The following GRID2 variants were observed in gnomAD, a reference collection of about 807,000 sequenced individuals.
The protein encoded by GRID2 is glutamate receptor ionotropic, delta-2.
A neutral mutation model predicts 114.8 loss-of-function variants in GRID2; 33 were observed. The ratio of observed to expected loss-of-function variants is 0.29; its 90% CI spans 0.22 to 0.38. The LOEUF is 0.38. GRID2 is among the 10% of genes least tolerant of loss of function. The probability of loss-of-function intolerance (pLI) is 1.00; values close to 1 mark genes in which losing one functional copy is unlikely to be tolerated. For missense variants in GRID2, 1,184 were observed against 1,257.7 expected, an observed-to-expected ratio of 0.94 and a Z score of 0.89; for synonymous variants, 505 against 449.9, an observed-to-expected ratio of 1.12 and a Z score of -1.55.
At chr4:92,394,584 A>C (rs1365961591) in intron 1 of GRID2, among the ~76,000 whole-genome samples, 1 of 151,992 alleles carries the variant, frequency 6.6e-6, no homozygotes, top group Non-Finnish European at 1.5e-5. Flanking sequence ...AGGCTGAAAA[A>C]TGACTTAAAA....
intron 2 of GRID2, among the ~76,000 whole-genome samples, chr4:92,686,822 T>C (rs1560532478): frequency 6.6e-6 from 1 of 152,132 alleles, no homozygotes; most frequent in African/African-American, 2.4e-5. Context: ...CAAAGCATTT[T>C]GTATTCAGAA....
chr4:92,849,172 GAA>G (rs1743568836), intron 2 of GRID2, among the ~76,000 whole-genome samples: 1 of 151,882 alleles, frequency 6.6e-6, no homozygotes, highest in African/African-American at 2.4e-5. Context: ...TGATGATGAT[GAA>G]AAAGAGGTGT....
intron 14 of GRID2, among the ~76,000 whole-genome samples, chr4:93,704,147 T>C (rs1727779095): frequency 6.6e-6 from 1 of 152,164 alleles, no homozygotes; most frequent in South Asian, 2.1e-4. Context: ...CCACATCCTC[T>C]CCAGCACCTG....
chr4:92,892,836 G>A (rs543153922), intron 2 of GRID2, among the ~76,000 whole-genome samples: 2 of 152,250 alleles, frequency 1.3e-5, no homozygotes, highest in Non-Finnish European at 2.9e-5. Flanking sequence ...TTACAGATTT[G>A]TAAAGTTGTT....
chr4:92,370,341 G>A lies in GRID2; in HGVS notation c.88+65597G>A, dbSNP rs1236432634. 2.6e-5 allele frequency among the ~76,000 whole-genome samples: 4 copies of A among 152,156 alleles called. No individual in the cohort carries two copies. In the East Asian group the frequency reaches 7.7e-4, roughly 29 times the overall value. On this transcript the variant is annotated intron_variant, in intron 1 of 15. Coordinates refer to ENST00000282020, the MANE Select transcript of GRID2 (RefSeq NM_001510.4). Reference sequence around the variant, plus strand: ...CTTCTCAGTTCTCCTTAGTCCTTGAGAGAAAACAATTTTGAAATTAGACCA... The same window carrying A: ...CTTCTCAGTTCTCCTTAGTCCTTGAAAGAAAACAATTTTGAAATTAGACCA...
chr4:93,439,701 A>G (rs1721443821), intron 10 of GRID2, among the ~76,000 whole-genome samples: 2 of 152,004 alleles, frequency 1.3e-5, no homozygotes, highest in African/African-American at 2.4e-5. Context: ...GGTGTTAATT[A>G]TTTTTGCTGC....
At chr4:92,383,561 G>T (rs1309545969) in intron 1 of GRID2, among the ~76,000 whole-genome samples, 1 of 151,874 alleles carries the variant, frequency 6.6e-6, no homozygotes, top group African/African-American at 2.4e-5. Context: ...CCCCTTAAAA[G>T]ATAATGGGAC....
chr4:93,501,211 T>A (rs1728068074), intron 12 of GRID2, among the ~76,000 whole-genome samples: 1 of 152,020 alleles, frequency 6.6e-6, no homozygotes, highest in Non-Finnish European at 1.5e-5. Flanking sequence ...AAGCCATTTC[T>A]TTGTCCTATT....
intron 2 of GRID2, among the ~76,000 whole-genome samples, chr4:92,704,894 C>T (rs919138499): frequency 6.6e-6 from 1 of 151,356 alleles, no homozygotes; most frequent in African/African-American, 2.4e-5. Flanking sequence ...CTATTAGATT[C>T]ACTTGTATAT....
At chr4:93,210,609 G>C (rs961990933) in intron 5 of GRID2, among the ~76,000 whole-genome samples, 3 of 151,896 alleles carry the variant, frequency 2.0e-5, no homozygotes, top group Non-Finnish European at 4.4e-5. Context: ...TTTTGTTTTT[G>C]ACCATGAGAA....
chr4:93,350,197 C>A lies in GRID2; in HGVS notation c.1246-45410C>A, dbSNP rs185203991. 1.1e-3 allele frequency among the ~76,000 whole-genome samples: 172 copies of A among 152,170 alleles called. 1 individual carries two copies. The highest frequency in any genetic ancestry group is 1.8e-3 in the Admixed American group (28 of 15,250). The stretch of plus-strand genomic sequence containing the variant: ...ATTTATCTGTAAAACACCCATCTAC[C>A]ACTGCCTGCAGCATAAAGGACAAAC... On this transcript the variant is annotated intron_variant, in intron 8 of 15. Coordinates refer to ENST00000282020, the MANE Select transcript of GRID2 (RefSeq NM_001510.4).
At chr4:93,632,429 C>A (rs1721005145) in intron 14 of GRID2, among the ~76,000 whole-genome samples, 2 of 152,024 alleles carry the variant, frequency 1.3e-5, no homozygotes, top group Non-Finnish European at 2.9e-5. Flanking sequence ...TCAGCTTTTT[C>A]CATATGGCTA....
At chr4:93,132,954 A>C (rs1366915800) in intron 4 of GRID2, among the ~76,000 whole-genome samples, 2 of 152,194 alleles carry the variant, frequency 1.3e-5, no homozygotes, top group Non-Finnish European at 2.9e-5. Flanking sequence ...GTTGAATGCT[A>C]ATTAACTTTT....
intron 2 of GRID2, among the ~76,000 whole-genome samples, chr4:92,858,677 C>G (rs771670262): frequency 1.4e-4 from 21 of 152,124 alleles, no homozygotes; most frequent in Non-Finnish European, 2.5e-4. Flanking sequence ...TCTACCTCAG[C>G]CTCCTGCGTA....
chr4:93,066,828 G>A (rs111343177), intron 2 of GRID2, among the ~76,000 whole-genome samples: 7 of 151,902 alleles, frequency 4.6e-5, no homozygotes, highest in East Asian at 1.9e-4. Flanking sequence ...CCACTATGAC[G>A]TAAAATAAGA....
chr4:93,456,582 C>T (rs1723218202), intron 11 of GRID2, among the ~76,000 whole-genome samples: 1 of 152,042 alleles, frequency 6.6e-6, no homozygotes, highest in African/African-American at 2.4e-5. Flanking sequence ...TAAACTTGTC[C>T]AATTAATTAT....
At chr4:92,630,254 C>T (rs1233469833) in intron 2 of GRID2, among the ~76,000 whole-genome samples, 1 of 152,130 alleles carries the variant, frequency 6.6e-6, no homozygotes, top group African/African-American at 2.4e-5. Flanking sequence ...CTGATGCTTG[C>T]ATAGCTTATT....
At chr4:92,462,293 C>T (rs1410893969) in intron 1 of GRID2, among the ~76,000 whole-genome samples, 2 of 151,984 alleles carry the variant, frequency 1.3e-5, no homozygotes, top group African/African-American at 2.4e-5. Context: ...AAAGCTTAAC[C>T]TTTAATTGTA....
chr4:92,564,140 A>G (rs1727227067), intron 1 of GRID2, among the ~76,000 whole-genome samples: 1 of 152,022 alleles, frequency 6.6e-6, no homozygotes, highest in Non-Finnish European at 1.5e-5. Context: ...GTCCTAGTCT[A>G]TACACCAAAT....
Sources: gnomAD v4.1 joint callset for allele counts (sites outside exome capture counted in the v4.1 genomes callset) on GRCh38, gnomAD v4.1.1 for gene constraint, MANE v1.5 for transcripts, NCBI Gene and HGNC (gene_info 2026-07-23, HGNC 2026-07-21) for gene names.